Variants in GPC6 observed in about 807,000 individuals in gnomAD.
GPC6 encodes glypican-6.
GPC6 carries 14 observed loss-of-function variants against 55.2 expected under a neutral mutation model. The ratio of observed to expected loss-of-function variants is 0.25; its 90% CI spans 0.17 to 0.40. The LOEUF is 0.40. Ranked by LOEUF, GPC6 falls within the 10% of genes least tolerant of loss-of-function variation. The probability of loss-of-function intolerance (pLI) is 1.00; values close to 1 mark genes in which losing one functional copy is unlikely to be tolerated. For synonymous variants in GPC6, 278 were observed against 259.6 expected (o/e 1.07, Z -0.68); for missense variants, 641 against 708.5 (o/e 0.90, Z 1.08).
intron 1 of GPC6, among the ~76,000 whole-genome samples, chr13:93,428,788 TAC>T (rs1877248392): frequency 2.6e-5 from 4 of 152,284 alleles, no homozygotes; most frequent in Admixed American, 2.0e-4. Flanking sequence ...CTATACCTCA[TAC>T]AGTTTTTTAG....
At chr13:93,995,458 A>T (rs1594651538) in intron 3 of GPC6, among the ~76,000 whole-genome samples, 1 of 152,124 alleles carries the variant, frequency 6.6e-6, no homozygotes, top group South Asian at 2.1e-4. Context: ...AAAGTGCTGG[A>T]ATAACAGGCA....
chr13:93,358,749 G>A (rs1488653101), intron 1 of GPC6, among the ~76,000 whole-genome samples: 1 of 151,928 alleles, frequency 6.6e-6, no homozygotes, highest in Non-Finnish European at 1.5e-5. Flanking sequence ...CATATCTTTT[G>A]GGAACATAAA....
intron 2 of GPC6, among the ~76,000 whole-genome samples, chr13:93,614,355 G>C (rs1461958217): frequency 6.6e-6 from 1 of 152,072 alleles, no homozygotes; most frequent in Non-Finnish European, 1.5e-5. Context: ...AAGTTAATAT[G>C]GTCAATGTCG....
Position 93,930,275 on chromosome 13 carries a change from G to GTTTTTTTTTTTTTTTTTTTT in GPC6, c.712-97441_712-97440insTTTTTTTTTTTTTTTTTTTT, listed in dbSNP as rs35858695. Among the ~76,000 whole-genome samples the GTTTTTTTTTTTTTTTTTTTT allele has an allele frequency of 2.7e-3, 340 of 123,796 alleles. 23 individuals are homozygous for GTTTTTTTTTTTTTTTTTTTT. The highest frequency in any genetic ancestry group is 8.7e-3 in the African/African-American group (272 of 31,266). The allele number at this position is 123,796 out of a possible 152,430, so 81.2% of individuals were successfully genotyped here. ...TTTTAAAGGTTATTGGAAACGAAAG[G>GTTTTTTTTTTTTTTTTTTTT]TTTTTTTTTTTTTGTAGACAGAGTC... On this transcript the variant is annotated intron_variant, in intron 3 of 8. Coordinates refer to ENST00000377047, the MANE Select transcript of GPC6 (RefSeq NM_005708.5).
At chr13:93,506,333 T>G (rs1285847669) in intron 1 of GPC6, among the ~76,000 whole-genome samples, 1 of 152,224 alleles carries the variant, frequency 6.6e-6, no homozygotes, top group African/African-American at 2.4e-5. Flanking sequence ...AATAAGAAAT[T>G]AACCATTTTA....
intron 6 of GPC6, among the ~76,000 whole-genome samples, chr13:94,339,991 G>A (rs974868367): frequency 1.3e-5 from 2 of 151,666 alleles, no homozygotes; most frequent in African/African-American, 4.8e-5. Flanking sequence ...TCAAACTCCC[G>A]ATCTCAGGTG....
chr13:94,336,605 A>AATT, intron 6 of GPC6, among the ~76,000 whole-genome samples: 1 of 152,236 alleles, frequency 6.6e-6, no homozygotes, highest in South Asian at 2.1e-4. Flanking sequence ...AACCTTTCTG[A>AATT]ATTATGAACG....
chr13:94,157,235 G>A (rs1300412019), intron 4 of GPC6, among the ~76,000 whole-genome samples: 3 of 152,126 alleles, frequency 2.0e-5, no homozygotes, highest in African/African-American at 4.8e-5. Context: ...TAAAGCTTAA[G>A]GGACTGAATA....
rs78424348 is a variant in GPC6 at position 93,529,312 on chromosome 13, A to C, written c.161-15951A>C. ...GTATTGAACCTCAAAGAGATTGGTA[A>C]TACTACTAACACTTGCTAAGAAATC... On this transcript the variant is annotated intron_variant, in intron 1 of 8. Coordinates refer to ENST00000377047, the MANE Select transcript of GPC6 (RefSeq NM_005708.5). Among the ~76,000 whole-genome samples the C allele has an allele frequency of 1.7e-3, 254 of 152,166 alleles. 1 individual carries two copies. Among genetic ancestry groups the C allele is most frequent in the African/African-American group, 5.9e-3 (246 of 41,506 alleles).
At chr13:93,340,927 T>A (rs2139150380) in intron 1 of GPC6, among the ~76,000 whole-genome samples, 1 of 152,250 alleles carries the variant, frequency 6.6e-6, no homozygotes, top group Non-Finnish European at 1.5e-5. Context: ...CTCTTTTATC[T>A]CTCAACCCCC....
chr13:94,099,675 T>C (rs1357665829), intron 4 of GPC6, among the ~76,000 whole-genome samples: 1 of 152,194 alleles, frequency 6.6e-6, no homozygotes, highest in Non-Finnish European at 1.5e-5. Context: ...TTTATCTTTT[T>C]TTATTGGAAG....
chr13:94,028,517 A>AC (rs1405366728), intron 4 of GPC6, among the ~76,000 whole-genome samples: 1 of 151,762 alleles, frequency 6.6e-6, no homozygotes, highest in African/African-American at 2.4e-5. Flanking sequence ...TGTAAAAAAA[A>AC]AAAAGTCCAC....
rs149465458 is a variant in GPC6, at chr13:93,488,238, C to T, written c.161-57025C>T. The stretch of plus-strand genomic sequence containing the variant: ...TGTGGTGTTTGGTTTTTTGTCCTTG[C>T]GATAGTTTGCTCATAATGATGGTTT... On this transcript the variant is annotated intron_variant, in intron 1 of 8. Transcript: ENST00000377047. Among the ~76,000 whole-genome samples the T allele has an allele frequency of 5.4e-3, 814 of 152,048 alleles. 17 individuals are homozygous for T. Among genetic ancestry groups the T allele is most frequent in the Admixed American group, 0.039 (589 of 15,258 alleles).
intron 4 of GPC6, among the ~76,000 whole-genome samples, chr13:94,120,528 CTT>C (rs548929202): frequency 7.0e-6 from 1 of 143,732 alleles, no homozygotes; most frequent in South Asian, 2.2e-4. Flanking sequence ...CATATGGTTT[CTT>C]TTTTTTTTTT....
chr13:93,572,717 T>C (rs1460729431), intron 2 of GPC6, among the ~76,000 whole-genome samples: 1 of 152,200 alleles, frequency 6.6e-6, no homozygotes, highest in Non-Finnish European at 1.5e-5. Context: ...CAGTCTTTTG[T>C]ATTTTTTCTC....
chr13:93,660,458 T>C (rs1246240651), intron 2 of GPC6, among the ~76,000 whole-genome samples: 1 of 152,300 alleles, frequency 6.6e-6, no homozygotes, highest in South Asian at 2.1e-4. Context: ...CCCTTCTGAA[T>C]GTAGTAAAAC....
intron 1 of GPC6, among the ~76,000 whole-genome samples, chr13:93,297,292 C>T (rs958112264): frequency 6.6e-6 from 1 of 152,106 alleles, no homozygotes; most frequent in Admixed American, 6.5e-5. Context: ...CTGCAACACA[C>T]ACTGTGGCCT....
intron 4 of GPC6, among the ~76,000 whole-genome samples, chr13:94,120,451 C>T (rs898729371): frequency 2.0e-5 from 3 of 151,928 alleles, no homozygotes; most frequent in Admixed American, 6.6e-5. Context: ...AGGTTTCTTC[C>T]GGTTAATGTT....
chr13:93,880,121 T>C (rs937328927), intron 3 of GPC6, among the ~76,000 whole-genome samples: 15 of 151,942 alleles, frequency 9.9e-5, no homozygotes, highest in African/African-American at 3.4e-4. Context: ...TTGGTGGGAC[T>C]GTAAACTAGT....
Sources: allele counts gnomAD v4.1 joint callset (sites outside exome capture counted in the v4.1 genomes callset), GRCh38; gene constraint gnomAD v4.1.1; transcripts MANE v1.5; gene names NCBI Gene and HGNC (gene_info 2026-07-23, HGNC 2026-07-21).